C9: variants seen among roughly 807,000 people sequenced by gnomAD.
C9 encodes complement C9.
A neutral mutation model predicts 65.4 loss-of-function variants in C9; 63 were observed. That is an observed-to-expected ratio of 0.96 (90% CI 0.79 to 1.19). The LOEUF (loss-of-function observed/expected upper bound fraction) is 1.19, where lower values mean the gene tolerates loss of function less well. Among genes scored for constraint, C9 ranks in the 50% most tolerant of loss-of-function variants. C9 has a pLI of 0.00. For synonymous variants in C9, 229 were observed against 227.9 expected (o/e 1.00, Z -0.04); for missense variants, 744 against 670.1 (o/e 1.11, Z -1.22).
rs555149296 is a variant in C9, at chr5:39,349,035, G to C, written c.78-6839C>G. On this transcript the variant is annotated intron_variant, in intron 1 of 10. Coordinates refer to ENST00000263408, the MANE Select transcript of C9 (RefSeq NM_001737.5). ...GGGGCATGTTGTGGGGTGGGGGGGAGGGGGGAAGGAACGCATTAGGAGATA... is the reference window on the plus strand; with the variant it reads ...GGGGCATGTTGTGGGGTGGGGGGGACGGGGGAAGGAACGCATTAGGAGATA... Among the ~76,000 whole-genome samples, 40 of 137,454 alleles carry C rather than the reference G, an allele frequency of 2.9e-4. 1 individual carries two copies. The South Asian group carries it at 9.6e-3, about 33-fold the overall frequency. 90.2% of individuals were successfully genotyped at this position (137,454 alleles called of 152,430 possible). A position where few individuals can be genotyped will look rare whatever the true frequency, so the allele number is the denominator to read the frequency against.
intron 1 of C9, among the ~76,000 whole-genome samples, chr5:39,361,976 A>T (rs1754530637): frequency 6.6e-6 from 1 of 152,164 alleles, no homozygotes; most frequent in Non-Finnish European, 1.5e-5. Flanking sequence ...AAGCACAGGA[A>T]GGTTATTATT....
intron 1 of C9, among the ~76,000 whole-genome samples, chr5:39,354,089 A>G (rs1754373685): frequency 2.0e-5 from 3 of 152,196 alleles, no homozygotes; most frequent in African/African-American, 7.2e-5. Flanking sequence ...GATGAGCTTC[A>G]TCTTCTAAAA....
At chr5:39,330,342 A>G (rs934090905) in intron 5 of C9, among the ~76,000 whole-genome samples, 2 of 152,174 alleles carry the variant, frequency 1.3e-5, no homozygotes, top group African/African-American at 4.8e-5. Flanking sequence ...GGATAAGGGA[A>G]AGCAGTGCTT....
intron 9 of C9, among the ~76,000 whole-genome samples, chr5:39,301,186 C>A (rs1325047940): frequency 6.6e-6 from 1 of 152,094 alleles, no homozygotes; most frequent in Non-Finnish European, 1.5e-5. Context: ...CAGAACATTA[C>A]TTCTGTAGTA....
At chr5:39,294,576 T>C (rs1244352303) in intron 9 of C9, among the ~76,000 whole-genome samples, 2 of 151,788 alleles carry the variant, frequency 1.3e-5, no homozygotes, top group African/African-American at 4.8e-5. Flanking sequence ...TAATAAAAAG[T>C]CTTTCAACAA....
Position 39,306,616 on chromosome 5 carries a change from C to T in C9, c.1416+1G>A, listed in dbSNP as rs112422455. ...TGTTTGAAAATAAACACGTTTCTTA[C>T]TTTTTGACTAATGAGAACAGGAGCA... On this transcript the variant is annotated splice_donor_variant, in intron 9 of 10. Transcript: ENST00000263408. LOFTEE classifies it high-confidence loss of function. 3.1e-6 allele frequency: 5 copies of T among 1,610,708 alleles called. No homozygotes were observed. In the East Asian group the frequency reaches 6.7e-5, roughly 22 times the overall value.
intron 9 of C9, among the ~76,000 whole-genome samples, chr5:39,292,663 G>A (rs944732575): frequency 6.6e-6 from 1 of 151,354 alleles, no homozygotes; most frequent in Non-Finnish European, 1.5e-5. Context: ...AGTTTATAGT[G>A]TATGTAAAAA....
intron 1 of C9, among the ~76,000 whole-genome samples, chr5:39,362,860 G>A (rs926826785): frequency 8.5e-5 from 13 of 152,142 alleles, no homozygotes; most frequent in South Asian, 2.1e-4. Context: ...CAGGGCAACC[G>A]GGGCAAACTC....
Position 39,285,215 on chromosome 5 carries a change from A to T in C9, c.1664T>A (p.Phe555Tyr), listed in dbSNP as rs1381204390. The T allele has an allele frequency of 6.2e-7, 1 of 1,613,128 alleles. No individual in the cohort carries two copies. Among genetic ancestry groups the T allele is most frequent in the South Asian group, 1.1e-5 (1 of 91,056 alleles). ...CCAACAGCTCTATTTTTCATTGGGG[A>T]ACTCTAGGGCTGGCAATCCTAGAGA... ...KISEGLPALE[F>Y]PNEK The change falls in exon 11 of 11, where the codon TTC becomes TAC. Residue 555 changes from phenylalanine (F) to tyrosine (Y), a missense_variant. Coordinates refer to ENST00000263408, the MANE Select transcript of C9 (RefSeq NM_001737.5).
intron 1 of C9, among the ~76,000 whole-genome samples, chr5:39,343,783 C>A (rs1754136254): frequency 6.6e-6 from 1 of 152,212 alleles, no homozygotes; most frequent in South Asian, 2.1e-4. Flanking sequence ...CCAGTAGGGG[C>A]AGACTGACAC....
At position 39,364,393 on chromosome 5, in the gene C9, C is replaced by A; in HGVS notation, c.72G>T (p.Thr24=). Residue 24 remains threonine (T), a synonymous_variant, in exon 1 of 11, where the codon ACG becomes ACT. Coordinates refer to ENST00000263408, the MANE Select transcript of C9 (RefSeq NM_001737.5). ...LEISILTAQY[T]TSYDPELTES... is the part of the protein sequence containing the mutation. ...CAGAAAAGTAACTGACTCACCTGGT[C>A]GTGTACTGTGCTGTGAGGATGCTTA... 6.3e-7 allele frequency: 1 copy of A among 1,580,186 alleles called. No homozygotes were observed. Among genetic ancestry groups the A allele is most frequent in the South Asian group, 1.1e-5 (1 of 90,336 alleles).
intron 5 of C9, among the ~76,000 whole-genome samples, chr5:39,319,564 G>A (rs1753630557): frequency 6.6e-6 from 1 of 152,144 alleles, no homozygotes; most frequent in Non-Finnish European, 1.5e-5. Flanking sequence ...ATGACCTCAA[G>A]CACCAGGCCA....
chr5:39,298,346 G>C (rs1242446686), intron 9 of C9, among the ~76,000 whole-genome samples: 3 of 151,486 alleles, frequency 2.0e-5, no homozygotes, highest in African/African-American at 7.3e-5. Flanking sequence ...AAAAAATAGA[G>C]AAAATTTTTT....
intron 4 of C9, among the ~76,000 whole-genome samples, chr5:39,334,269 G>A (rs181681945): frequency 0.01 from 1,522 of 145,048 alleles, 33 homozygotes; most frequent in African/African-American, 0.037. Flanking sequence ...CTGCCGCCCC[G>A]TCTGGGATGT....
At chr5:39,334,408 CCG>C (rs1232307747) in intron 4 of C9, among the ~76,000 whole-genome samples, 2 of 150,584 alleles carry the variant, frequency 1.3e-5, no homozygotes, top group Non-Finnish European at 2.9e-5. Context: ...AGGAGCCCCT[CCG>C]CCCGGCAGCC....
At chr5:39,344,645 A>T (rs527458094) in intron 1 of C9, among the ~76,000 whole-genome samples, 3 of 152,230 alleles carry the variant, frequency 2.0e-5, no homozygotes, top group Non-Finnish European at 4.4e-5. Context: ...CAGCAGGCCA[A>T]CATTCAAGTT....
chr5:39,360,323 G>A lies in C9; in HGVS notation c.77+4065C>T, dbSNP rs1476101298. Among the ~76,000 whole-genome samples, 3 of 151,920 alleles carry A rather than the reference G, an allele frequency of 2.0e-5. No individual in the cohort carries two copies. The East Asian group carries it at 5.8e-4, about 29-fold the overall frequency. ...TGAGCCACAGAGATGGTAAGGAATT[G>A]CCCTCAGATTAGACAGCAGCTACTT... On this transcript the variant is annotated intron_variant, in intron 1 of 10. Transcript: ENST00000263408.
At chr5:39,289,073 G>C in intron 9 of C9, 122 bp from the exon 10 acceptor site, 1 of 693,300 alleles carries the variant, frequency 1.4e-6, no homozygotes, top group Non-Finnish European at 2.6e-6. Context: ...TGAATGTATA[G>C]TATTGCCAGA....
chr5:39,341,588 T>C lies in C9; in HGVS notation c.296A>G (p.Asp99Gly), dbSNP rs1320552623. Residue 99 changes from aspartate to glycine, a missense_variant, in exon 3 of 11, where the codon GAT becomes GGT. Coordinates refer to ENST00000263408, the MANE Select transcript of C9 (RefSeq NM_001737.5). ...GCATTGAAAGTCATTTCCGCAGTCA[T>C]CCTCAGCATCCTCACAGGGCTCTGT... ...VPTEPCEDAE[D>G]DCGNDFQCST... 1.9e-6 allele frequency: 3 copies of C among 1,614,114 alleles called. No homozygotes were observed. Among genetic ancestry groups the C allele is most frequent in the East Asian group, 2.2e-5 (1 of 44,884 alleles).
Sources: allele counts gnomAD v4.1 joint callset (sites outside exome capture counted in the v4.1 genomes callset), GRCh38; gene constraint gnomAD v4.1.1; transcripts MANE v1.5; gene names NCBI Gene and HGNC (gene_info 2026-07-23, HGNC 2026-07-21).